CUX1: variants seen among roughly 807,000 people sequenced by gnomAD.
The protein encoded by CUX1 is cut like homeobox 1, also known as protein CASP.
A neutral mutation model predicts 158.8 loss-of-function variants in CUX1; 31 were observed. That is an observed-to-expected ratio of 0.20 (90% CI 0.15 to 0.26). The LOEUF (loss-of-function observed/expected upper bound fraction) is 0.26. Ranked by LOEUF, CUX1 falls within the 10% of genes least tolerant of loss-of-function variation. CUX1 has a pLI of 1.00. For synonymous variants in CUX1, 879 were observed against 862.1 expected (o/e 1.02, Z -0.34); for missense variants, 1,589 against 2,014.6 (o/e 0.79, Z 4.04).
At position 101,923,031 on chromosome 7, in the gene CUX1, G is replaced by A. The variant is rs559863883; in HGVS notation, c.141+6806G>A. On this transcript the variant is annotated intron_variant, in intron 2 of 23. Transcript: ENST00000292535. ...ATGGCTTTGATCGCGGTCAAACTCCGATTTCCCGCGTGTGTGATTCCAGAG... is the reference window on the plus strand; with the variant it reads ...ATGGCTTTGATCGCGGTCAAACTCCAATTTCCCGCGTGTGTGATTCCAGAG... 8.5e-5 allele frequency among the ~76,000 whole-genome samples: 13 copies of A among 152,328 alleles called. No individual in the cohort carries two copies. The South Asian group carries it at 1.9e-3, about 22-fold the overall frequency.
chr7:102,045,438 G>A (rs1040059291), intron 3 of CUX1, among the ~76,000 whole-genome samples: 5 of 152,232 alleles, frequency 3.3e-5, no homozygotes, highest in Non-Finnish European at 7.3e-5. Context: ...CACTGCGCCC[G>A]CGCGCCCCCT....
chr7:101,824,262 TGTTTTTAGTAGAGACAGG>T, intron 1 of CUX1: 1 of 152,328 alleles, frequency 6.6e-6, no homozygotes, highest in East Asian at 1.9e-4. Flanking sequence ...CTAATTTTTG[TGTTTTTAGTAGAGACAGG>T]GTTTCACCAT....
intron 1 of CUX1, among the ~76,000 whole-genome samples, chr7:101,851,383 T>C (rs1395987455): frequency 6.6e-6 from 1 of 152,066 alleles, no homozygotes; most frequent in Non-Finnish European, 1.5e-5. Flanking sequence ...CCTCATCATC[T>C]CGGGGGCTTC....
intron 2 of CUX1, among the ~76,000 whole-genome samples, chr7:102,003,164 G>A (rs1469919142): frequency 3.3e-5 from 5 of 152,078 alleles, no homozygotes; most frequent in Admixed American, 2.6e-4. Context: ...CTCCCAAAGT[G>A]CTGGGATTAC....
At chr7:102,036,864 G>C (rs1341161712) in intron 3 of CUX1, among the ~76,000 whole-genome samples, 6 of 152,018 alleles carry the variant, frequency 3.9e-5, no homozygotes, top group African/African-American at 1.2e-4. Context: ...GACTTTTCAT[G>C]GTCCTCTGAC....
chr7:102,218,085 C>T (rs909588602), intron 20 of CUX1, among the ~76,000 whole-genome samples: 1 of 152,224 alleles, frequency 6.6e-6, no homozygotes, highest in African/African-American at 2.4e-5. Flanking sequence ...TGTGCTGTGG[C>T]CAGGACCATG....
intron 20 of CUX1, among the ~76,000 whole-genome samples, chr7:102,205,476 C>G (rs1261858029): frequency 2.0e-5 from 3 of 152,150 alleles, no homozygotes; most frequent in Non-Finnish European, 4.4e-5. Flanking sequence ...AGGGGGCTTA[C>G]CGTCTGATAG....
At chr7:102,155,012 C>T (rs1554504718) in intron 8 of CUX1, among the ~76,000 whole-genome samples, 3 of 152,150 alleles carry the variant, frequency 2.0e-5, no homozygotes, top group East Asian at 1.9e-4. Flanking sequence ...GTTGTGGGTA[C>T]GCAGCAGCTA....
At chr7:102,107,503 T>C (rs1263545324) in intron 6 of CUX1, among the ~76,000 whole-genome samples, 6 of 152,158 alleles carry the variant, frequency 3.9e-5, no homozygotes, top group African/African-American at 1.4e-4. Flanking sequence ...ATCACACCAT[T>C]GCATTCTAGC....
chr7:102,234,759 A>T (rs1799365466), intron 22 of CUX1, among the ~76,000 whole-genome samples: 1 of 54,358 alleles, frequency 1.8e-5, no homozygotes, highest in Non-Finnish European at 4.2e-5. Context: ...CTCACTACTA[A>T]AAAAAAAAAA....
chr7:102,274,181 G>A lies in CUX1; in HGVS notation c.1384-63G>A, dbSNP rs1791427530. 10 of 1,518,908 alleles carry A rather than the reference G, an allele frequency of 6.6e-6. No individual in the cohort carries two copies. The East Asian group carries it at 2.0e-4, about 31-fold the overall frequency. The allele number at this position is 1,518,908 out of a possible 1,614,324, so 94.1% of individuals were successfully genotyped here. A position where few individuals can be genotyped will look rare whatever the true frequency, so the allele number is the denominator to read the frequency against. On this transcript the variant is annotated intron_variant, in intron 15 of 22. Transcript: ENST00000292538. ...CCCTGCCATTTGCCTTGGCCATGCT[G>A]AAAGGGAATATTCCGTGCCCATTGT... is the stretch of plus-strand genomic sequence containing the variant.
chr7:101,859,465 T>A (rs923115847), intron 1 of CUX1, among the ~76,000 whole-genome samples: 3 of 152,238 alleles, frequency 2.0e-5, no homozygotes, highest in African/African-American at 7.2e-5. Flanking sequence ...TTAGCTGTTC[T>A]TTTCCATTTC....
chr7:101,927,454 T>C (rs1178884571), intron 2 of CUX1, among the ~76,000 whole-genome samples: 4 of 152,014 alleles, frequency 2.6e-5, no homozygotes, highest in Non-Finnish European at 5.9e-5. Flanking sequence ...GACCAGGAGT[T>C]TGAGACCAGC....
At chr7:102,035,024 A>T (rs1263145936) in intron 3 of CUX1, among the ~76,000 whole-genome samples, 2 of 151,644 alleles carry the variant, frequency 1.3e-5, no homozygotes, top group Non-Finnish European at 1.5e-5. Flanking sequence ...TTAATGTGGT[A>T]AAAGGTATTT....
intron 2 of CUX1, among the ~76,000 whole-genome samples, chr7:101,950,705 T>A (rs1233211453): frequency 6.6e-6 from 1 of 152,196 alleles, no homozygotes; most frequent in African/African-American, 2.4e-5. Context: ...TTAAAATATA[T>A]TTTTTTCTTC....
rs559169157 is a variant in CUX1, at chr7:102,089,316, A to AT, written c.269-8043dup. On this transcript the variant is annotated intron_variant, in intron 4 of 23. Coordinates refer to ENST00000292535, the MANE Select transcript of CUX1 (RefSeq NM_181552.4). ...TTTCTGGTTCTGTTTTTATGAAGTG[A>AT]TTTTTCCCCTGATCATCCTGCTGCT... Among the ~76,000 whole-genome samples, 3 of 152,110 alleles carry AT rather than the reference A, an allele frequency of 2.0e-5. No homozygotes were observed. The East Asian group carries it at 5.8e-4, about 29-fold the overall frequency.
chr7:101,923,919 C>A (rs981045738), intron 2 of CUX1, among the ~76,000 whole-genome samples: 1 of 152,198 alleles, frequency 6.6e-6, no homozygotes, highest in Non-Finnish European at 1.5e-5. Context: ...GCCGGCCTGG[C>A]GCATTTCTCT....
chr7:102,201,707 C>G lies in CUX1; in HGVS notation c.2410C>G (p.Gln804Glu). ...CCCCCAGGGAGCAGCCGATTGTGCACAAGGGGTCCTGAGACAGGTGAAAAA... is the reference window on the plus strand; with the variant it reads ...CCCCCAGGGAGCAGCCGATTGTGCAGAAGGGGTCCTGAGACAGGTGAAAAA... ...LDPQGAADCA[Q>E]GVLRQVKNEV... Residue 804 changes from glutamine to glutamate, a missense_variant, in exon 18 of 24, where the codon CAA becomes GAA. By Grantham distance (29) the Gln-to-Glu change is conservative (BLOSUM62 2). Transcript: ENST00000292535. This position sits in a 1 kb window ranked among gnomAD's most constrained non-coding sequence, Gnocchi z 5.0. The G allele has an allele frequency of 6.2e-7, 1 of 1,612,660 alleles. No individual in the cohort carries two copies. Among genetic ancestry groups the G allele is most frequent in the Non-Finnish European group, 8.5e-7 (1 of 1,179,898 alleles).
chr7:102,102,968 C>T (rs1829943302), intron 5 of CUX1, among the ~76,000 whole-genome samples: 1 of 152,182 alleles, frequency 6.6e-6, no homozygotes, highest in Admixed American at 6.5e-5. Flanking sequence ...TGTCCTGCCC[C>T]AGAGCCACCC....
Sources: gnomAD v4.1 joint callset for allele counts (sites outside exome capture counted in the v4.1 genomes callset) on GRCh38, gnomAD v4.1.1 for gene constraint, Gnocchi (gnomAD v3.1) non-coding constraint, MANE v1.5 for transcripts, NCBI Gene and HGNC (gene_info 2026-07-23, HGNC 2026-07-21) for gene names.